The following WNT5A variants were observed in gnomAD, a reference collection of about 807,000 sequenced individuals.
WNT5A encodes the protein protein Wnt-5a.
Under a neutral mutation model 42.1 loss-of-function variants are expected in WNT5A, and 9 were observed. The observed-to-expected ratio is 0.21, with a 90% CI of 0.13 to 0.37. The LOEUF (loss-of-function observed/expected upper bound fraction) is 0.37. Ranked by LOEUF, WNT5A falls within the 10% of genes least tolerant of loss-of-function variation. The pLI is 1.00. For synonymous variants in WNT5A, 210 were observed against 210.0 expected (o/e 1.00, Z 0.00); for missense variants, 426 against 534.0 (o/e 0.80, Z 1.99).
At chr3:55,471,298 G>A (rs552029533) in intron 4 of WNT5A, among the ~76,000 whole-genome samples, 15 of 152,260 alleles carry the variant, frequency 9.9e-5, no homozygotes, top group Admixed American at 4.6e-4. Context: ...TGGGGGGACT[G>A]CGCCTGGAAC....
chr3:55,481,754 C>T (rs1411986955), intron 1 of WNT5A, among the ~76,000 whole-genome samples: 1 of 152,096 alleles, frequency 6.6e-6, no homozygotes, highest in Non-Finnish European at 1.5e-5. Flanking sequence ...CCCTCGCCCG[C>T]GTCGCCTGTG....
chr3:55,500,952 G>A, the WNT5A span, among the ~76,000 whole-genome samples: 27 of 152,274 alleles, frequency 1.8e-4, no homozygotes, highest in South Asian at 4.1e-4. Flanking sequence ...GAGGTAGAAC[G>A]TTTTCTCTCT....
the WNT5A span, chr3:55,505,189 G>A: frequency 4.6e-5 from 7 of 152,224 alleles, no homozygotes; most frequent in Non-Finnish European, 7.3e-5. Flanking sequence ...GAGGCCTCAG[G>A]AAACTTACTA....
the WNT5A span, among the ~76,000 whole-genome samples, chr3:55,500,004 A>C: frequency 6.6e-6 from 1 of 151,568 alleles, no homozygotes; most frequent in African/African-American, 2.4e-5. Context: ...AATTAAATTA[A>C]ATTAAATTAA....
Position 55,487,046 on chromosome 3 carries a change from C to T in WNT5A, c.-61G>A, listed in dbSNP as rs200438653. ...CCCGAGCGAGCGCAGCCGAGGAATC[C>T]GAGCGGAGCGACCGGGTTAAGCCTG... On this transcript the variant is annotated 5_prime_UTR_variant, in exon 1 of 5. Transcript: ENST00000264634. 1.0e-4 allele frequency: 160 copies of T among 1,563,422 alleles called. No homozygotes were observed. The highest frequency in any genetic ancestry group is 1.4e-4 in the Non-Finnish European group (158 of 1,142,912).
At chr3:55,482,339 G>A (rs1057229064) in intron 1 of WNT5A, among the ~76,000 whole-genome samples, 1 of 152,208 alleles carries the variant, frequency 6.6e-6, no homozygotes, top group African/African-American at 2.4e-5. Flanking sequence ...TGGCGGGTGC[G>A]GGTGGGAGGA....
chr3:55,467,576 C>G lies in WNT5A; in HGVS notation c.*2516G>C, dbSNP rs2051166594. 1 of 152,568 alleles carries G rather than the reference C, an allele frequency of 6.6e-6. No individual in the cohort carries two copies. Among genetic ancestry groups the G allele is most frequent in the African/African-American group, 2.4e-5 (1 of 41,442 alleles). The allele number at this position is 152,568 out of a possible 1,614,324, so 9.5% of individuals were successfully genotyped here. A position where few individuals can be genotyped will look rare whatever the true frequency, so the allele number is the denominator to read the frequency against. ...ATTATCTGAAGGACAATTGAAACCA[C>G]TTACCAATATACAAGTAACGTTTTA... On this transcript the variant is annotated 3_prime_UTR_variant, in exon 5 of 5. Coordinates refer to ENST00000264634, the MANE Select transcript of WNT5A (RefSeq NM_003392.7).
chr3:55,474,505 G>T lies in WNT5A; in HGVS notation c.516C>A (p.Asp172Glu). The change falls in exon 4 of 5, where the codon GAC becomes GAA. Residue 172 changes from aspartate (D) to glutamate (E), a missense_variant. Transcript: ENST00000264634. ...CGCCCCAGAGCCAGTCCCGCGGCAG[G>T]TCCTTGGGGCGCGCGGCGCGGCTGC... is the stretch of plus-strand genomic sequence containing the variant. ...CGCSRAARPK[D>E]LPRDWLWGGC... The T allele has an allele frequency of 1.9e-6, 3 of 1,582,682 alleles. No homozygotes were observed. Among genetic ancestry groups the T allele is most frequent in the Non-Finnish European group, 2.6e-6 (3 of 1,166,504 alleles).
At chr3:55,499,962 G>A in the WNT5A span, among the ~76,000 whole-genome samples, 1 of 136,080 alleles carries the variant, frequency 7.3e-6, no homozygotes, top group Non-Finnish European at 1.6e-5. Context: ...GCAACAGAAC[G>A]AGACTCCATC....
rs368581342 is a variant in WNT5A, at chr3:55,468,138, T to TG, written c.*1953_*1954insC. ...ACTGTTTGGAAAGAGGTGTCCTTAT[T>TG]AAAAAAAAAAAAAAAAAAGCTATCT... On this transcript the variant is annotated 3_prime_UTR_variant, in exon 5 of 5. Coordinates refer to ENST00000264634, the MANE Select transcript of WNT5A (RefSeq NM_003392.7). 230 of 134,000 alleles carry TG rather than the reference T, an allele frequency of 1.7e-3. 1 individual carries two copies. Among genetic ancestry groups the TG allele is most frequent in the Non-Finnish European group, 3.1e-3 (195 of 63,118 alleles). The allele number at this position is 134,000 out of a possible 1,614,324, so 8.3% of individuals were successfully genotyped here.
chr3:55,502,635 G>C, the WNT5A span, among the ~76,000 whole-genome samples: 1 of 152,148 alleles, frequency 6.6e-6, no homozygotes, highest in Non-Finnish European at 1.5e-5. Flanking sequence ...TATTTTCATA[G>C]AACCCATTAA....
At chr3:55,502,217 T>C in the WNT5A span, among the ~76,000 whole-genome samples, 26 of 152,332 alleles carry the variant, frequency 1.7e-4, no homozygotes, top group African/African-American at 6.0e-4. Flanking sequence ...CAATTCTGTC[T>C]CCTATCACTG....
Position 55,470,264 on chromosome 3 carries a change from A to G in WNT5A, c.971T>C (p.Leu324Pro). 3 of 1,614,020 alleles carry G rather than the reference A, an allele frequency of 1.9e-6. No homozygotes were observed. Among genetic ancestry groups the G allele is most frequent in the Non-Finnish European group, 2.5e-6 (3 of 1,179,920 alleles). The change falls in exon 5 of 5, where the codon CTG (leucine) becomes CCG (proline). Residue 324 changes from leucine to proline, a missense_variant. Physicochemically the swap from Leu to Pro is moderately conservative, Grantham distance 98. Transcript: ENST00000264634. Reference sequence around the variant, plus strand: ...CATGCCCTCCGACGTCTTGTTGCACAGGCGGCCCTGCGTGCCCAGCGAGCC... The same window carrying G: ...CATGCCCTCCGACGTCTTGTTGCACGGGCGGCCCTGCGTGCCCAGCGAGCC... ...STGSLGTQGR[L>P]CNKTSEGMDG...
Position 55,469,975 on chromosome 3 carries a change from C to T in WNT5A, c.*117G>A. ...ATGGTAACAGGAAAAAAAATGGTTC[C>T]GGTTGCAATTCTTGGGGAAAAATAA... is the stretch of plus-strand genomic sequence containing the variant. On this transcript the variant is annotated 3_prime_UTR_variant, in exon 5 of 5. Coordinates refer to ENST00000264634, the MANE Select transcript of WNT5A (RefSeq NM_003392.7). 8 of 1,224,482 alleles carry T rather than the reference C, an allele frequency of 6.5e-6. No homozygotes were observed. Among genetic ancestry groups the T allele is most frequent in the East Asian group, 2.5e-5 (1 of 39,528 alleles). The allele number at this position is 1,224,482 out of a possible 1,614,324, so 75.9% of individuals were successfully genotyped here.
At chr3:55,485,366 G>T (rs929543664) in intron 1 of WNT5A, among the ~76,000 whole-genome samples, 8 of 151,880 alleles carry the variant, frequency 5.3e-5, no homozygotes, top group African/African-American at 1.9e-4. Flanking sequence ...GCGCACGGGG[G>T]AGGGGAGGAG....
rs748180463 is a variant in WNT5A, at chr3:55,467,676, G to A, written c.*2416C>T. On this transcript the variant is annotated 3_prime_UTR_variant, in exon 5 of 5. Transcript: ENST00000264634. ...TAAACCAGTGAAATATACAAATCAC[G>A]CAAGACAGAAATATGTACATTAAAA... 4 of 152,420 alleles carry A rather than the reference G, an allele frequency of 2.6e-5. No individual in the cohort carries two copies. The highest frequency in any genetic ancestry group is 4.8e-5 in the African/African-American group (2 of 41,392). The allele number at this position is 152,420 out of a possible 1,614,324, so 9.4% of individuals were successfully genotyped here. A position where few individuals can be genotyped will look rare whatever the true frequency, so the allele number is the denominator to read the frequency against.
rs919156749 is a variant in WNT5A, at chr3:55,483,184, A to T, written c.7-2266T>A. ...GTTCCCAGAGCCCAGGCCAACTGAGAGCGGGCCCATCCGGTCACCAAGACT... is the reference window on the plus strand; with the variant it reads ...GTTCCCAGAGCCCAGGCCAACTGAGTGCGGGCCCATCCGGTCACCAAGACT... On this transcript the variant is annotated intron_variant, in intron 1 of 4. Coordinates refer to ENST00000264634, the MANE Select transcript of WNT5A (RefSeq NM_003392.7). The surrounding 1 kb of genome is among the most constrained non-coding windows in gnomAD (Gnocchi z 4.2). Among the ~76,000 whole-genome samples, 3 of 152,156 alleles carry T rather than the reference A, an allele frequency of 2.0e-5. No homozygotes were observed. The highest frequency in any genetic ancestry group is 4.4e-5 in the Non-Finnish European group (3 of 68,030).
intron 3 of WNT5A, among the ~76,000 whole-genome samples, chr3:55,475,932 G>A (rs1373439355): frequency 2.0e-5 from 3 of 152,130 alleles, no homozygotes; most frequent in Non-Finnish European, 4.4e-5. Context: ...GTGGGGTAGG[G>A]GTGGGATTGG....
rs968019376 is a variant in WNT5A at position 55,487,149 on chromosome 3, C to G, written c.-164G>C. 13 of 612,620 alleles carry G rather than the reference C, an allele frequency of 2.1e-5. No individual in the cohort carries two copies. The highest frequency in any genetic ancestry group is 1.3e-4 in the African/African-American group (7 of 53,344). The allele number at this position is 612,620 out of a possible 1,614,324, so 37.9% of individuals were successfully genotyped here. On this transcript the variant is annotated 5_prime_UTR_variant, in exon 1 of 5. Coordinates refer to ENST00000264634, the MANE Select transcript of WNT5A (RefSeq NM_003392.7). ...CGCAGTGAACCGGAGCTGAAGCGGG[C>G]ACTGGCGCCCGGGCCTGGACTCCCG...
Sources: allele counts gnomAD v4.1 joint callset (sites outside exome capture counted in the v4.1 genomes callset), GRCh38; gene constraint gnomAD v4.1.1; non-coding constraint Gnocchi (gnomAD v3.1); transcripts MANE v1.5; gene names NCBI Gene and HGNC (gene_info 2026-07-23, HGNC 2026-07-21).